TMEM108: variants seen among roughly 807,000 people sequenced by gnomAD.
TMEM108 encodes transmembrane protein 108, also known as cancer/testis antigen 124.
In TMEM108, 12 loss-of-function variants were observed where a neutral mutation model predicts 35.1. The observed-to-expected ratio is 0.34, with a 90% CI of 0.22 to 0.55. The LOEUF is 0.55. TMEM108 is among the 20% of genes least tolerant of loss of function. The probability of loss-of-function intolerance (pLI) is 0.89; values close to 1 mark genes in which losing one functional copy is unlikely to be tolerated. For missense variants in TMEM108, 680 were observed against 753.3 expected (o/e 0.90, Z 1.14); for synonymous variants, 287 against 308.6 (o/e 0.93, Z 0.73).
intron 2 of TMEM108, among the ~76,000 whole-genome samples, chr3:133,226,456 G>A (rs1220302939): frequency 2.0e-5 from 3 of 152,198 alleles, no homozygotes; most frequent in South Asian, 2.1e-4. Context: ...TATCTGTCAT[G>A]TGATGCTAAA....
intron 5 of TMEM108, 45 bp downstream of exon 5, chr3:133,390,379 C>T (rs199936202): frequency 9.3e-5 from 149 of 1,604,486 alleles, no homozygotes; most frequent in Non-Finnish European, 8.5e-7. Context: ...GAAACCAGGT[C>T]CAAAGAGAGC....
At chr3:133,340,018 G>A (rs1335384013) in intron 3 of TMEM108, among the ~76,000 whole-genome samples, 4 of 151,108 alleles carry the variant, frequency 2.6e-5, no homozygotes, top group Admixed American at 6.6e-5. Flanking sequence ...TCAAATAAAC[G>A]ACCTAATATT....
chr3:133,222,149 A>C (rs941686742), intron 2 of TMEM108, among the ~76,000 whole-genome samples: 7 of 152,112 alleles, frequency 4.6e-5, no homozygotes, highest in Non-Finnish European at 8.8e-5. Flanking sequence ...AAAAGTCTTT[A>C]TCTCTTCTTT....
At chr3:133,152,071 A>G (rs1944810041) in intron 2 of TMEM108, among the ~76,000 whole-genome samples, 2 of 152,126 alleles carry the variant, frequency 1.3e-5, no homozygotes, top group Non-Finnish European at 2.9e-5. Flanking sequence ...ATCTGACTCA[A>G]CTCCATGAAT....
At chr3:133,152,054 A>C (rs778561478) in intron 2 of TMEM108, among the ~76,000 whole-genome samples, 6 of 152,132 alleles carry the variant, frequency 3.9e-5, no homozygotes, top group Non-Finnish European at 7.4e-5. Flanking sequence ...CCGTTGACCA[A>C]AACAGCATCT....
chr3:133,194,289 T>C (rs931836422), intron 2 of TMEM108, among the ~76,000 whole-genome samples: 1 of 152,172 alleles, frequency 6.6e-6, no homozygotes, highest in Non-Finnish European at 1.5e-5. Context: ...TTATCTTTTT[T>C]CCCCACAAAT....
chr3:133,144,748 G>C (rs1407874645), intron 2 of TMEM108, among the ~76,000 whole-genome samples: 1 of 151,944 alleles, frequency 6.6e-6, no homozygotes, highest in Non-Finnish European at 1.5e-5. Context: ...CATATTTGTT[G>C]GCTGCATAAA....
At chr3:133,218,997 T>G (rs1559872086) in intron 2 of TMEM108, among the ~76,000 whole-genome samples, 1 of 152,028 alleles carries the variant, frequency 6.6e-6, no homozygotes, top group Non-Finnish European at 1.5e-5. Flanking sequence ...GTTAAGTAGT[T>G]AAGTCATCAG....
chr3:133,296,147 C>G (rs1422274834), intron 3 of TMEM108, among the ~76,000 whole-genome samples: 1 of 152,188 alleles, frequency 6.6e-6, no homozygotes, highest in East Asian at 1.9e-4. Context: ...AAAGCACCCC[C>G]CTTTTTTTGT....
At chr3:133,255,922 G>A (rs1179909419) in intron 3 of TMEM108, among the ~76,000 whole-genome samples, 1 of 152,182 alleles carries the variant, frequency 6.6e-6, no homozygotes, top group Non-Finnish European at 1.5e-5. Context: ...CTAGAAGGCG[G>A]AGCTTGCAGT....
chr3:133,339,726 C>CA (rs1468896502), intron 3 of TMEM108, among the ~76,000 whole-genome samples: 1 of 151,620 alleles, frequency 6.6e-6, no homozygotes, highest in Non-Finnish European at 1.5e-5. Flanking sequence ...TTAAAACATC[C>CA]AAAAAATTGA....
intron 2 of TMEM108, among the ~76,000 whole-genome samples, chr3:133,049,286 AAATT>A: frequency 6.6e-6 from 1 of 152,138 alleles, no homozygotes; most frequent in East Asian, 1.9e-4. Flanking sequence ...TTTCTTATTT[AAATT>A]AATTAAAATT....
At chr3:133,390,357 C>G (rs765746920) in intron 5 of TMEM108, 23 bp downstream of exon 5, 1 of 1,612,032 alleles carries the variant, frequency 6.2e-7, no homozygotes, top group Admixed American at 1.7e-5. Context: ...AAAGTGCTGG[C>G]CCCACTGCAG....
intron 2 of TMEM108, among the ~76,000 whole-genome samples, chr3:133,209,016 C>G (rs1288247824): frequency 6.6e-6 from 1 of 152,098 alleles, no homozygotes; most frequent in Non-Finnish European, 1.5e-5. Flanking sequence ...ACGTTGTACC[C>G]ATTTTATTGA....
rs1399210375 is a variant in TMEM108, at chr3:133,379,835, C to T, written c.124C>T (p.Pro42Ser). 1.2e-6 allele frequency: 2 copies of T among 1,614,026 alleles called. No homozygotes were observed. The highest frequency in any genetic ancestry group is 4.5e-5 in the East Asian group (2 of 44,874). The change falls in exon 4 of 6, where the codon CCT becomes TCT. Residue 42 changes from proline (P) to serine (S), a missense_variant. This residue lies in a region of TMEM108 where 49 missense variants were observed against 70.6 expected (regional missense o/e 0.69). Transcript: ENST00000321871. The stretch of plus-strand genomic sequence containing the variant: ...TCCCAGGGAATCTCTTCAGGTCCTC[C>T]CTTCAGGCACTCCCCCGGGAACCAT... Reference protein sequence around the residue: ...PSPRESLQVLPSGTPPGTMVT... With the variant: ...PSPRESLQVLSSGTPPGTMVT...
chr3:133,347,708 TTATC>T (rs2071864018), intron 3 of TMEM108, among the ~76,000 whole-genome samples: 1 of 152,138 alleles, frequency 6.6e-6, no homozygotes, highest in Non-Finnish European at 1.5e-5. Context: ...GTCTTGTTCT[TTATC>T]TATATGTAAA....
At chr3:133,311,942 G>A (rs55769323) in intron 3 of TMEM108, among the ~76,000 whole-genome samples, 48,832 of 152,182 alleles carry the variant, frequency 0.32, 8,574 homozygotes, top group East Asian at 0.48. Context: ...CTTTCTGTTT[G>A]TTAGTTTTCC....
intron 3 of TMEM108, among the ~76,000 whole-genome samples, chr3:133,327,187 G>A (rs576607022): frequency 2.0e-5 from 3 of 152,160 alleles, no homozygotes; most frequent in Non-Finnish European, 4.4e-5. Flanking sequence ...CCCAGAGAAA[G>A]GAATTTATAA....
chr3:133,300,117 A>T lies in TMEM108; in HGVS notation c.40+70766A>T, dbSNP rs150145810. Among the ~76,000 whole-genome samples, 444 of 152,278 alleles carry T rather than the reference A, an allele frequency of 2.9e-3. 7 individuals are homozygous for T. The highest frequency in any genetic ancestry group is 0.01 in the African/African-American group (432 of 41,532). ...TACTCCATAGCTCACTGTATCATTT[A>T]TCAAGCATTGAAAGCCTCCAAAATG... On this transcript the variant is annotated intron_variant, in intron 3 of 5. Transcript: ENST00000321871.
Sources: allele counts gnomAD v4.1 joint callset (sites outside exome capture counted in the v4.1 genomes callset), GRCh38; gene constraint gnomAD v4.1.1; regional missense constraint gnomAD v4.1.1; transcripts MANE v1.5; gene names NCBI Gene and HGNC (gene_info 2026-07-23, HGNC 2026-07-21).